The following CSMD1 variants were observed in gnomAD, a reference collection of about 807,000 sequenced individuals.
The protein encoded by CSMD1 is CUB and sushi domain-containing protein 1.
A neutral mutation model predicts 417.5 loss-of-function variants in CSMD1; 213 were observed. The ratio of observed to expected loss-of-function variants is 0.51; its 90% CI spans 0.46 to 0.57. The LOEUF (loss-of-function observed/expected upper bound fraction) is 0.57, where lower values mean the gene tolerates loss of function less well. CSMD1 is among the 20% of genes least tolerant of loss of function. CSMD1 has a pLI of 0.00. For synonymous variants in CSMD1, 2,862 were observed against 1,736.8 expected (o/e 1.65, Z -16.11); for missense variants, 6,923 against 4,529.7 (o/e 1.53, Z -15.17).
At chr8:3,936,013 G>A (rs377182531) in intron 5 of CSMD1, among the ~76,000 whole-genome samples, 1 of 152,112 alleles carries the variant, frequency 6.6e-6, no homozygotes, top group Non-Finnish European at 1.5e-5. Flanking sequence ...TGATAAGAAA[G>A]GAAAACAGCC....
intron 7 of CSMD1, among the ~76,000 whole-genome samples, chr8:3,658,660 G>A (rs1191520732): frequency 6.6e-6 from 1 of 151,910 alleles, no homozygotes; most frequent in Non-Finnish European, 1.5e-5. Flanking sequence ...GTGCGTGCCT[G>A]TAATCCCAGC....
chr8:4,315,344 G>A (rs187603958), intron 3 of CSMD1, among the ~76,000 whole-genome samples: 1 of 152,166 alleles, frequency 6.6e-6, no homozygotes, highest in Non-Finnish European at 1.5e-5. Context: ...TTGCTGCACT[G>A]TGAGCCCCAG....
chr8:3,463,330 T>G (rs534390120), intron 12 of CSMD1, among the ~76,000 whole-genome samples: 1 of 152,322 alleles, frequency 6.6e-6, no homozygotes, highest in African/African-American at 2.4e-5. Flanking sequence ...GTCATAGACT[T>G]AAGTCAAGCC....
chr8:3,624,757 G>T (rs1352910094), intron 7 of CSMD1, among the ~76,000 whole-genome samples: 2 of 152,164 alleles, frequency 1.3e-5, no homozygotes, highest in African/African-American at 4.8e-5. Flanking sequence ...AGACCTTCCT[G>T]CTTTACTCAG....
intron 3 of CSMD1, among the ~76,000 whole-genome samples, chr8:4,387,022 G>C (rs1413959187): frequency 1.3e-5 from 2 of 152,162 alleles, no homozygotes; most frequent in Non-Finnish European, 2.9e-5. Context: ...AAGGGACTGA[G>C]TTTGAGATAC....
At chr8:4,814,510 G>C (rs1483354124) in intron 1 of CSMD1, among the ~76,000 whole-genome samples, 1 of 152,178 alleles carries the variant, frequency 6.6e-6, no homozygotes, top group African/African-American at 2.4e-5. Flanking sequence ...GCCTCCCAAA[G>C]CGCTGGGATT....
chr8:3,728,563 C>T (rs868800710), intron 6 of CSMD1, among the ~76,000 whole-genome samples: 21 of 152,142 alleles, frequency 1.4e-4, no homozygotes, highest in African/African-American at 4.8e-4. Context: ...GTTCCAAGAG[C>T]CTTTCAGTGG....
intron 5 of CSMD1, among the ~76,000 whole-genome samples, chr8:3,797,508 T>C (rs764938223): frequency 1.3e-5 from 2 of 151,984 alleles, no homozygotes; most frequent in Non-Finnish European, 2.9e-5. Flanking sequence ...TAACTTTATA[T>C]AAATGGAATT....
chr8:3,317,845 C>G (rs1008522816), intron 23 of CSMD1, among the ~76,000 whole-genome samples: 3 of 152,210 alleles, frequency 2.0e-5, no homozygotes, highest in African/African-American at 7.2e-5. Flanking sequence ...AGGTCTTGCT[C>G]TGTGACCCAG....
chr8:3,435,854 C>A (rs149598036), intron 12 of CSMD1, among the ~76,000 whole-genome samples: 1 of 152,216 alleles, frequency 6.6e-6, no homozygotes, highest in Non-Finnish European at 1.5e-5. Flanking sequence ...TGCCTTGATT[C>A]CTCCTGACTT....
intron 5 of CSMD1, among the ~76,000 whole-genome samples, chr8:3,934,787 C>G (rs1810373617): frequency 6.6e-6 from 1 of 152,064 alleles, no homozygotes; most frequent in Non-Finnish European, 1.5e-5. Context: ...GCAGAGGTTA[C>G]AGTGAGCCAA....
chr8:3,599,155 GTGTGTGTC>G (rs1215507014), intron 8 of CSMD1, among the ~76,000 whole-genome samples: 2 of 132,396 alleles, frequency 1.5e-5, no homozygotes, highest in African/African-American at 6.1e-5. Context: ...GTGTGTCTGT[GTGTGTGTC>G]TGTGTGTGTG....
At chr8:4,372,955 C>T (rs918860210) in intron 3 of CSMD1, among the ~76,000 whole-genome samples, 2 of 152,196 alleles carry the variant, frequency 1.3e-5, no homozygotes, top group Non-Finnish European at 1.5e-5. Context: ...CCGAAGAGTG[C>T]AGTGTGGCAA....
At chr8:3,998,140 C>T in intron 4 of CSMD1, 30 bp from the exon 5 acceptor site, 1 of 1,535,032 alleles carries the variant, frequency 6.5e-7, no homozygotes, top group South Asian at 1.2e-5. Flanking sequence ...AAGAAAGCAT[C>T]ACATTTCAGG....
At chr8:3,925,876 C>G (rs2554667) in intron 5 of CSMD1, among the ~76,000 whole-genome samples, 10 of 151,652 alleles carry the variant, frequency 6.6e-5, no homozygotes, top group Non-Finnish European at 1.2e-4. Context: ...TTATTTTATT[C>G]AAGTTTTATT....
In CSMD1 at chr8:4,345,702, A is replaced by G. The variant is rs1345619426; in HGVS notation, c.415+74251T>C. Among the ~76,000 whole-genome samples the G allele has an allele frequency of 4.6e-5, 7 of 152,146 alleles. No homozygotes were observed. The East Asian group carries it at 9.6e-4, about 21-fold the overall frequency. On this transcript the variant is annotated intron_variant, in intron 3 of 69. Coordinates refer to ENST00000635120, the MANE Select transcript of CSMD1 (RefSeq NM_033225.6). ...TGAAATGGCCATGTAATTTTTTTAA[A>G]AAGGCTCAACGTCATGAATTATCAA... is the stretch of plus-strand genomic sequence containing the variant.
chr8:3,113,559 C>T (rs924227751), intron 42 of CSMD1, among the ~76,000 whole-genome samples: 5 of 152,236 alleles, frequency 3.3e-5, no homozygotes, highest in East Asian at 1.9e-4. Context: ...ATGTCACGCC[C>T]AATGGGAAAC....
chr8:3,167,956 T>C (rs1259473490), intron 37 of CSMD1, among the ~76,000 whole-genome samples: 3 of 151,774 alleles, frequency 2.0e-5, no homozygotes, highest in Non-Finnish European at 4.4e-5. Context: ...ACAGGACAAA[T>C]GGGACTTTTG....
intron 2 of CSMD1, among the ~76,000 whole-genome samples, chr8:4,449,991 G>C (rs192402734): frequency 1.1e-3 from 174 of 152,236 alleles, no homozygotes; most frequent in African/African-American, 3.8e-3. Flanking sequence ...CACTGGCCCT[G>C]TCCTAGCCAT....
Sources: allele counts gnomAD v4.1 joint callset (sites outside exome capture counted in the v4.1 genomes callset), GRCh38; gene constraint gnomAD v4.1.1; transcripts MANE v1.5; gene names NCBI Gene and HGNC (gene_info 2026-07-23, HGNC 2026-07-21).